The following TCF20 variants were observed in gnomAD, a reference collection of about 807,000 sequenced individuals.
TCF20 encodes transcription factor 20.
TCF20 carries 3 observed loss-of-function variants against 148.6 expected under a neutral mutation model. That is an observed-to-expected ratio of 0.02 (90% confidence interval 0.01 to 0.05). The LOEUF (loss-of-function observed/expected upper bound fraction) is 0.05, where lower values mean the gene tolerates loss of function less well. Among genes scored for constraint, TCF20 ranks in the 10% least tolerant of loss-of-function variants. The pLI is 1.00. For missense variants in TCF20, 2,350 were observed against 2,429.3 expected, an observed-to-expected ratio of 0.97 and a Z score of 0.69; for synonymous variants, 1,049 against 909.5, an observed-to-expected ratio of 1.15 and a Z score of -2.76.
chr22:42,287,515 G>A (rs61709139), upstream of TCF20, among the ~76,000 whole-genome samples: 583 of 152,244 alleles, frequency 3.8e-3, 1 homozygote, highest in African/African-American at 0.013. Context: ...ATCCCATCAC[G>A]TATGCATGCA....
chr22:42,228,325 T>A (rs1345643704), intron 1 of TCF20, among the ~76,000 whole-genome samples: 1 of 151,568 alleles, frequency 6.6e-6, no homozygotes, highest in Non-Finnish European at 1.5e-5. Context: ...GACATGAGAG[T>A]CATAACAACA....
chr22:42,189,038 G>A (rs982199819), intron 2 of TCF20, among the ~76,000 whole-genome samples: 1 of 152,170 alleles, frequency 6.6e-6, no homozygotes, highest in South Asian at 2.1e-4. Flanking sequence ...CTGCTTTGTG[G>A]AGGGACAAGC....
chr22:42,335,183 G>A (rs1266165417), intron 1 of TCF20, among the ~76,000 whole-genome samples: 1 of 152,044 alleles, frequency 6.6e-6, no homozygotes, highest in East Asian at 1.9e-4. Context: ...AGAGGGGTGG[G>A]GAAACAGACA....
intron 1 of TCF20, among the ~76,000 whole-genome samples, chr22:42,231,984 A>G (rs909153089): frequency 2.0e-5 from 3 of 152,158 alleles, no homozygotes; most frequent in Non-Finnish European, 4.4e-5. Context: ...CAAAACAAGA[A>G]AACTTTAAAA....
intron 2 of TCF20, 36 bp from the exon 3 acceptor site, chr22:42,179,738 C>G (rs772771421): frequency 1.4e-6 from 2 of 1,466,076 alleles, no homozygotes; most frequent in Non-Finnish European, 1.9e-6. Flanking sequence ...TGTCAGTATC[C>G]CAGATTTGGC....
chr22:42,286,585 C>G (rs1927035348), upstream of TCF20, among the ~76,000 whole-genome samples: 1 of 152,194 alleles, frequency 6.6e-6, no homozygotes, highest in South Asian at 2.1e-4. Context: ...TAGCGGCCAG[C>G]AAGATTACTT....
In TCF20 at chr22:42,210,533, G is replaced by C. The variant is rs950185837; in HGVS notation, c.4773C>G (p.Ala1591=). ...GTTTGGTTTTTCGCTTCCTCGGCTGGGCCCCAGGCTTCCTTCTCTCCCTCC... is the reference window on the plus strand; with the variant it reads ...GTTTGGTTTTTCGCTTCCTCGGCTGCGCCCCAGGCTTCCTTCTCTCCCTCC... The part of the protein sequence containing the change: ...RQRRERRKPG[A]QPRKRKTKQA... Residue 1591 remains alanine, a synonymous_variant, in exon 2 of 6, where the codon GCC becomes GCG. Transcript: ENST00000677622. The surrounding 1 kb of genome is among the most constrained non-coding windows in gnomAD (Gnocchi z 4.7). 2.5e-6 allele frequency: 4 copies of C among 1,614,142 alleles called. No individual in the cohort carries two copies. Among genetic ancestry groups the C allele is most frequent in the Non-Finnish European group, 3.4e-6 (4 of 1,180,020 alleles).
chr22:42,311,530 C>G (rs1927536536), intron 1 of TCF20, among the ~76,000 whole-genome samples: 1 of 152,224 alleles, frequency 6.6e-6, no homozygotes, highest in Non-Finnish European at 1.5e-5. Context: ...AGGGGCTGAC[C>G]TTGGTGCCCT....
At position 42,212,372 on chromosome 22, in the gene TCF20, A is replaced by G. The variant is rs762870856; in HGVS notation, c.2934T>C (p.Tyr978=). The change falls in exon 2 of 6, where the codon TAT becomes TAC. Residue 978 remains tyrosine, a synonymous_variant. Coordinates refer to ENST00000677622, the MANE Select transcript of TCF20 (RefSeq NM_001378418.1). ...GAATHDSLSD[Y]GPQDSRPTPM... is the part of the protein sequence containing the mutation. ...GCGTGGGTCTGCTGTCTTGCGGGCCATAGTCTGAAAGGGAATCATGGGTTG... is the reference window on the plus strand; with the variant it reads ...GCGTGGGTCTGCTGTCTTGCGGGCCGTAGTCTGAAAGGGAATCATGGGTTG... The G allele has an allele frequency of 1.1e-5, 18 of 1,614,100 alleles. No homozygotes were observed. Among genetic ancestry groups the G allele is most frequent in the Middle Eastern group, 1.6e-4 (1 of 6,084 alleles).
chr22:42,174,922 C>T (rs1342826138), intron 3 of TCF20, among the ~76,000 whole-genome samples: 2 of 151,918 alleles, frequency 1.3e-5, no homozygotes, highest in Non-Finnish European at 2.9e-5. Context: ...GTAGTCCCAG[C>T]TGCTGGGGCG....
At chr22:42,325,357 G>C (rs1259644853) in intron 1 of TCF20, among the ~76,000 whole-genome samples, 1 of 152,184 alleles carries the variant, frequency 6.6e-6, no homozygotes, top group Non-Finnish European at 1.5e-5. Flanking sequence ...CCTCTGCCCG[G>C]TGGCCCCCAC....
intron 1 of TCF20, among the ~76,000 whole-genome samples, chr22:42,280,045 G>A (rs1045278844): frequency 2.6e-5 from 4 of 152,206 alleles, no homozygotes; most frequent in African/African-American, 9.7e-5. Context: ...GAGGAGAAAT[G>A]GGAAAGCTAG....
intron 1 of TCF20, among the ~76,000 whole-genome samples, chr22:42,260,490 A>G (rs1925970246): frequency 6.6e-6 from 1 of 152,206 alleles, no homozygotes; most frequent in South Asian, 2.1e-4. Context: ...TACAGTTCAG[A>G]TAAGAGGGTA....
intron 5 of TCF20, among the ~76,000 whole-genome samples, chr22:42,161,972 C>CTTTT (rs3045573): frequency 0.042 from 3,156 of 74,774 alleles, 794 homozygotes; most frequent in Admixed American, 0.079. Context: ...TAATGACAGT[C>CTTTT]TTTTTTTTTT....
At chr22:42,305,579 T>C (rs1481936990) in intron 1 of TCF20, among the ~76,000 whole-genome samples, 1 of 152,132 alleles carries the variant, frequency 6.6e-6, no homozygotes, top group Non-Finnish European at 1.5e-5. Context: ...ACAGGACAAA[T>C]GGATGGATGA....
intron 1 of TCF20, among the ~76,000 whole-genome samples, chr22:42,256,354 T>C (rs1925740837): frequency 6.6e-6 from 1 of 152,336 alleles, no homozygotes; most frequent in African/African-American, 2.4e-5. Context: ...TGAACAGAAA[T>C]TTTCTTTTTT....
intron 1 of TCF20, among the ~76,000 whole-genome samples, chr22:42,225,439 C>A (rs1055439731): frequency 2.0e-5 from 3 of 150,620 alleles, no homozygotes; most frequent in Admixed American, 1.3e-4. Flanking sequence ...AAGGTGAAAC[C>A]CCGTCTCTAC....
chr22:42,196,854 A>G (rs150464264), intron 2 of TCF20, among the ~76,000 whole-genome samples: 162 of 152,306 alleles, frequency 1.1e-3, no homozygotes, highest in African/African-American at 3.8e-3. Context: ...GACTAGCACC[A>G]CTTCAGATTT....
intron 1 of TCF20, among the ~76,000 whole-genome samples, chr22:42,331,786 T>G (rs910377677): frequency 1.3e-5 from 2 of 152,228 alleles, no homozygotes; most frequent in African/African-American, 4.8e-5. Context: ...GCCAGCCCAC[T>G]TGCCTTACAT....
Sources: allele counts gnomAD v4.1 joint callset (sites outside exome capture counted in the v4.1 genomes callset), GRCh38; gene constraint gnomAD v4.1.1; non-coding constraint Gnocchi (gnomAD v3.1); transcripts MANE v1.5; gene names NCBI Gene and HGNC (gene_info 2026-07-23, HGNC 2026-07-21).